The following GK5 variants were observed in gnomAD, a reference collection of about 807,000 sequenced individuals.
The protein encoded by GK5 is glycerol kinase 5.
Under a neutral mutation model 77.3 loss-of-function variants are expected in GK5, and 39 were observed. The observed-to-expected ratio is 0.50, with a 90% CI of 0.39 to 0.66. GK5 has a LOEUF of 0.66. GK5 is among the 30% of genes least tolerant of loss of function. GK5 has a pLI of 0.00. For synonymous variants in GK5, 211 were observed against 208.0 expected (o/e 1.01, Z -0.13); for missense variants, 487 against 633.8 (o/e 0.77, Z 2.49).
intron 12 of GK5, chr3:142,173,220 A>T (rs780983276): frequency 1.2e-4 from 53 of 434,460 alleles, no homozygotes; most frequent in Non-Finnish European, 2.1e-4. Context: ...AAAAAACACC[A>T]CTACACTCTT....
intron 1 of GK5, among the ~76,000 whole-genome samples, chr3:142,224,138 C>T (rs764891386): frequency 1.3e-5 from 2 of 152,188 alleles, no homozygotes; most frequent in Non-Finnish European, 2.9e-5. Flanking sequence ...GCTGCAGTGG[C>T]TCACGCCTGT....
intron 1 of GK5, among the ~76,000 whole-genome samples, chr3:142,222,531 T>C (rs1429210404): frequency 1.3e-5 from 2 of 151,520 alleles, no homozygotes; most frequent in African/African-American, 4.9e-5. Flanking sequence ...GTCACTGCAC[T>C]CCAGCCTGGG....
rs1382044427 is a variant in GK5 at position 142,225,315 on chromosome 3, C to T, written c.141G>A (p.Val47=). Residue 47 remains valine, a synonymous_variant, in exon 1 of 16, where the codon GTG becomes GTA. Coordinates refer to ENST00000392993, the MANE Select transcript of GK5 (RefSeq NM_001039547.3). ...ACGCCCGCCCCCAAGTCACCTTCTG[C>T]ACGCTGGAGCCGCAGACCCGCGCCG... ...DRAARVCGSS[V]QKVENLYPQI... 1 of 1,541,762 alleles carries T rather than the reference C, an allele frequency of 6.5e-7. No homozygotes were observed. The highest frequency in any genetic ancestry group is 1.2e-5 in the South Asian group (1 of 82,600).
intron 2 of GK5, among the ~76,000 whole-genome samples, 194 bp from the exon 3 acceptor site, chr3:142,213,795 A>AAAAC (rs2064232054): frequency 6.6e-6 from 1 of 152,152 alleles, no homozygotes; most frequent in South Asian, 2.1e-4. Context: ...TTACTTGAAG[A>AAAAC]AAACAAAGGT....
At chr3:142,196,062 G>T (rs1355277702) in intron 5 of GK5, among the ~76,000 whole-genome samples, 2 of 152,060 alleles carry the variant, frequency 1.3e-5, no homozygotes, top group Non-Finnish European at 2.9e-5. Context: ...CCAGTAGTTT[G>T]TGTATTTCTA....
chr3:142,159,853 C>CTCTCTTTTTTTTTTTTTTT lies in GK5; in HGVS notation c.*5768_*5769insAAAAAAAAAAAAAAAGAGA, dbSNP rs1553825247. 3 of 106,124 alleles carry CTCTCTTTTTTTTTTTTTTT rather than the reference C, an allele frequency of 2.8e-5. No individual in the cohort carries two copies. The highest frequency in any genetic ancestry group is 2.6e-4 in the East Asian group (1 of 3,884). The allele number at this position is 106,124 out of a possible 1,614,324, so 6.6% of individuals were successfully genotyped here. On this transcript the variant is annotated 3_prime_UTR_variant, in exon 16 of 16. Transcript: ENST00000392993. ...TTTCTCTCTCTCTCTCTCTCTCTCT[C>CTCTCTTTTTTTTTTTTTTT]TTTTTTTTTTTTGAGACAGAGTCTC...
At chr3:142,213,350 AG>A (rs1167595880) in intron 3 of GK5, among the ~76,000 whole-genome samples, 175 bp downstream of exon 3, 2 of 152,188 alleles carry the variant, frequency 1.3e-5, no homozygotes, top group African/African-American at 4.8e-5. Flanking sequence ...ATATAAGTCA[AG>A]CCCAAATGAC....
intron 5 of GK5, among the ~76,000 whole-genome samples, chr3:142,189,816 G>A (rs1323591333): frequency 6.6e-6 from 1 of 152,182 alleles, no homozygotes; most frequent in African/African-American, 2.4e-5. Flanking sequence ...AGATAATCCT[G>A]TTAACTGGAA....
At chr3:142,172,330 A>C (rs2063550035) in intron 13 of GK5, 23 bp downstream of exon 13, 1 of 1,117,530 alleles carries the variant, frequency 8.9e-7, no homozygotes, top group East Asian at 2.4e-5. Flanking sequence ...GGGGAAGGGG[A>C]AGTTTAGGGC....
intron 3 of GK5, among the ~76,000 whole-genome samples, chr3:142,207,230 G>A (rs986378427): frequency 6.6e-6 from 1 of 152,116 alleles, no homozygotes; most frequent in African/African-American, 2.4e-5. Flanking sequence ...ACGCATGAGG[G>A]GGGTGCCTAT....
Position 142,204,691 on chromosome 3 carries a change from T to C in GK5, c.411+4A>G, listed in dbSNP as rs2064078284. On this transcript the variant is annotated splice_donor_region_variant and intron_variant, in intron 4 of 15. Coordinates refer to ENST00000392993, the MANE Select transcript of GK5 (RefSeq NM_001039547.3). ...ATATCCAAATCACACAAGAAAAAGATTACCTTCATAAGAAGAGAATTATTC... is the reference window on the plus strand; with the variant it reads ...ATATCCAAATCACACAAGAAAAAGACTACCTTCATAAGAAGAGAATTATTC... 1.4e-6 allele frequency: 2 copies of C among 1,433,426 alleles called. No homozygotes were observed. Among genetic ancestry groups the C allele is most frequent in the East Asian group, 2.3e-5 (1 of 43,928 alleles). The allele number at this position is 1,433,426 out of a possible 1,614,324, so 88.8% of individuals were successfully genotyped here.
chr3:142,173,567 C>A (rs1187778881), intron 12 of GK5, among the ~76,000 whole-genome samples: 1 of 151,948 alleles, frequency 6.6e-6, no homozygotes, highest in Non-Finnish European at 1.5e-5. Context: ...GCCTGTAGTC[C>A]CAGCTGCTCG....
At chr3:142,167,597 G>A (rs1306437820) in intron 15 of GK5, among the ~76,000 whole-genome samples, 1 of 151,876 alleles carries the variant, frequency 6.6e-6, no homozygotes, top group Non-Finnish European at 1.5e-5. Context: ...CCAATTTCTG[G>A]GTAAATTTAT....
At chr3:142,185,719 A>G in intron 9 of GK5, 9 of 1,512,676 alleles carry the variant, frequency 5.9e-6, no homozygotes, top group Non-Finnish European at 8.0e-6. Context: ...AAGTACTTCC[A>G]TGATAGAATA....
intron 14 of GK5, 68 bp downstream of exon 14, chr3:142,171,351 G>A: frequency 1.5e-6 from 2 of 1,328,970 alleles, no homozygotes. Context: ...GAAATGAGTG[G>A]TAGCTCATAG....
Position 142,162,406 on chromosome 3 carries a change from T to G in GK5, c.*3216A>C, listed in dbSNP as rs2108776224. 6.6e-6 allele frequency: 1 copy of G among 152,238 alleles called. No homozygotes were observed. 9.4% of individuals were successfully genotyped at this position (152,238 alleles called of 1,614,324 possible). On this transcript the variant is annotated 3_prime_UTR_variant, in exon 16 of 16. Transcript: ENST00000392993. ...GGATATTGCTAAACATCCTATAAAG[T>G]ACAGCATAGCATCCCAAAATAAAGA...
chr3:142,193,691 T>G (rs746484532), intron 5 of GK5, among the ~76,000 whole-genome samples: 47 of 152,302 alleles, frequency 3.1e-4, no homozygotes, highest in Non-Finnish European at 4.9e-4. Flanking sequence ...TTAAGCTTAT[T>G]CATACGTATT....
rs34465065 is a variant in GK5, at chr3:142,199,768, GA to G, written c.412-836del. The stretch of plus-strand genomic sequence containing the variant: ...TTTTAAGGTCTTTAAGACATACTAG[GA>G]AAAAAAAAAAAACCCTATCCTGCCA... On this transcript the variant is annotated intron_variant, in intron 4 of 15. Transcript: ENST00000392993. Among the ~76,000 whole-genome samples the G allele has an allele frequency of 1.3e-3, 171 of 136,524 alleles. 1 individual carries two copies. The highest frequency in any genetic ancestry group is 5.2e-3 in the East Asian group (25 of 4,806). The allele number at this position is 136,524 out of a possible 152,430, so 89.6% of individuals were successfully genotyped here. A position where few individuals can be genotyped will look rare whatever the true frequency, so the allele number is the denominator to read the frequency against.
intron 15 of GK5, among the ~76,000 whole-genome samples, chr3:142,169,588 C>CA (rs2063511204): frequency 6.6e-6 from 1 of 151,608 alleles, no homozygotes; most frequent in Admixed American, 6.6e-5. Context: ...CCTAAATTCT[C>CA]TCTCCCACCA....
Sources: gnomAD v4.1 joint callset for allele counts (sites outside exome capture counted in the v4.1 genomes callset) on GRCh38, gnomAD v4.1.1 for gene constraint, MANE v1.5 for transcripts, NCBI Gene and HGNC (gene_info 2026-07-23, HGNC 2026-07-21) for gene names.